The following SLC30A8 variants were observed in gnomAD, a reference collection of about 807,000 sequenced individuals.
SLC30A8 encodes the protein proton-coupled zinc antiporter SLC30A8.
Under a neutral mutation model 36.9 loss-of-function variants are expected in SLC30A8, and 27 were observed. The ratio of observed to expected loss-of-function variants is 0.73; its 90% CI spans 0.54 to 1.01. The LOEUF (loss-of-function observed/expected upper bound fraction) is 1.01, where lower values mean the gene tolerates loss of function less well. Among genes scored for constraint, SLC30A8 ranks in the 50% least tolerant of loss-of-function variants. SLC30A8 has a pLI of 0.00. For missense variants in SLC30A8, 439 were observed against 452.0 expected (o/e 0.97, Z 0.26); for synonymous variants, 164 against 172.4 (o/e 0.95, Z 0.38).
At chr8:117,113,157 C>T (rs184514359) in intron 2 of SLC30A8, among the ~76,000 whole-genome samples, 3 of 152,218 alleles carry the variant, frequency 2.0e-5, no homozygotes, top group African/African-American at 7.2e-5. Context: ...CAAACGGAAT[C>T]AGCTTTTAAC....
intron 1 of SLC30A8, among the ~76,000 whole-genome samples, chr8:116,996,536 C>T (rs1036891261): frequency 3.5e-4 from 54 of 152,162 alleles, no homozygotes; most frequent in Non-Finnish European, 2.9e-4. Flanking sequence ...CTTGTTCTCC[C>T]TAAACCCCAA....
intron 2 of SLC30A8, among the ~76,000 whole-genome samples, chr8:117,076,175 C>A (rs1249876435): frequency 2.0e-5 from 3 of 152,192 alleles, no homozygotes; most frequent in African/African-American, 4.8e-5. Context: ...TTTCTAGCTG[C>A]TGTTCAGTTT....
intron 2 of SLC30A8, among the ~76,000 whole-genome samples, chr8:117,064,482 C>G (rs1390410870): frequency 2.0e-5 from 3 of 152,172 alleles, no homozygotes; most frequent in Non-Finnish European, 4.4e-5. Flanking sequence ...ATTGAGCACA[C>G]AATTCTGCCT....
chr8:116,961,963 A>G (rs1376794110), intron 1 of SLC30A8, among the ~76,000 whole-genome samples: 1 of 151,968 alleles, frequency 6.6e-6, no homozygotes. Flanking sequence ...ATTAGGGATT[A>G]AGTTTCTAAC....
intron 6 of SLC30A8, among the ~76,000 whole-genome samples, chr8:117,166,766 A>ATTTTTTTTTTTTTTTTTTTTT (rs71305462): frequency 1.6e-5 from 2 of 128,654 alleles, no homozygotes; most frequent in African/African-American, 6.0e-5. Flanking sequence ...ACATTAGCTG[A>ATTTTTTTTTTTTTTTTTTTTT]TTTTTTTTTT....
At chr8:117,075,835 TG>T (rs1818470878) in intron 2 of SLC30A8, among the ~76,000 whole-genome samples, 1 of 152,164 alleles carries the variant, frequency 6.6e-6, no homozygotes, top group Non-Finnish European at 1.5e-5. Flanking sequence ...AGTTCCTCTA[TG>T]ATCTGGCCTC....
chr8:116,977,141 C>CTTTTTTTTTT (rs71305451), intron 1 of SLC30A8, among the ~76,000 whole-genome samples: 75 of 59,102 alleles, frequency 1.3e-3, no homozygotes, highest in East Asian at 2.4e-3. Flanking sequence ...CTTTTTCTTG[C>CTTTTTTTTTT]TTTTTTTTTT....
chr8:117,012,262 T>A (rs1457389766), intron 1 of SLC30A8, among the ~76,000 whole-genome samples: 2 of 152,212 alleles, frequency 1.3e-5, no homozygotes, highest in African/African-American at 4.8e-5. Context: ...TTCTTATTTT[T>A]AATGTGTACA....
chr8:117,160,434 T>TGTGCGC (rs1333939658), intron 4 of SLC30A8, among the ~76,000 whole-genome samples: 2 of 146,126 alleles, frequency 1.4e-5, no homozygotes, highest in East Asian at 3.9e-4. Flanking sequence ...TGTGTGTGTG[T>TGTGCGC]GCGCGCACAT....
At chr8:116,990,327 A>G (rs1182616042) in intron 1 of SLC30A8, among the ~76,000 whole-genome samples, 1 of 152,116 alleles carries the variant, frequency 6.6e-6, no homozygotes, top group East Asian at 1.9e-4. Flanking sequence ...GAAAAAAAAA[A>G]TAGCTCTACA....
At chr8:116,972,147 C>G (rs1262690517) in intron 1 of SLC30A8, among the ~76,000 whole-genome samples, 1 of 152,120 alleles carries the variant, frequency 6.6e-6, no homozygotes, top group African/African-American at 2.4e-5. Context: ...TCTTCTTCTT[C>G]CCAAGAAACA....
intron 1 of SLC30A8, among the ~76,000 whole-genome samples, chr8:116,989,423 T>G (rs7004119): frequency 0.95 from 144,524 of 152,212 alleles, 68,985 homozygotes; most frequent in Non-Finnish European, 1. Flanking sequence ...TGACCATAAG[T>G]TCACCAAATT....
At chr8:117,020,178 A>C (rs542556122) in intron 1 of SLC30A8, among the ~76,000 whole-genome samples, 1 of 152,340 alleles carries the variant, frequency 6.6e-6, no homozygotes, top group South Asian at 2.1e-4. Flanking sequence ...TCTTCAACAC[A>C]TGGAGCTTGT....
Position 117,135,239 on chromosome 8 carries a change from A to G in SLC30A8, c.-89A>G, listed in dbSNP as rs1424216036. 6.2e-6 allele frequency: 5 copies of G among 812,972 alleles called. No individual in the cohort carries two copies. The highest frequency in any genetic ancestry group is 9.5e-6 in the Non-Finnish European group (5 of 528,070). The allele number at this position is 812,972 out of a possible 1,614,324, so 50.4% of individuals were successfully genotyped here. A position where few individuals can be genotyped will look rare whatever the true frequency, so the allele number is the denominator to read the frequency against. ...TTTTAATTTTTTCTTTAGAAAGTGTATAAATAATTGCAGTGCTGCTTTGCT... is the reference window on the plus strand; with the variant it reads ...TTTTAATTTTTTCTTTAGAAAGTGTGTAAATAATTGCAGTGCTGCTTTGCT... On this transcript the variant is annotated 5_prime_UTR_variant, in exon 1 of 8. Transcript: ENST00000456015.
intron 1 of SLC30A8, among the ~76,000 whole-genome samples, chr8:117,012,984 C>A (rs1311532178): frequency 6.6e-6 from 1 of 152,006 alleles, no homozygotes; most frequent in Non-Finnish European, 1.5e-5. Flanking sequence ...AATGGGGCTA[C>A]TTTTGATGAA....
At chr8:117,145,840 G>A (rs898984779) in intron 1 of SLC30A8, among the ~76,000 whole-genome samples, 1 of 152,082 alleles carries the variant, frequency 6.6e-6, no homozygotes, top group African/African-American at 2.4e-5. Context: ...ATATGGGGTT[G>A]CAGTTAAGTG....
At chr8:116,987,452 A>T (rs1815485477) in intron 1 of SLC30A8, among the ~76,000 whole-genome samples, 2 of 152,142 alleles carry the variant, frequency 1.3e-5, no homozygotes, top group Non-Finnish European at 2.9e-5. Context: ...AAAAATGCAC[A>T]CGTAAAAATA....
intron 2 of SLC30A8, among the ~76,000 whole-genome samples, chr8:117,052,115 A>G (rs1038914857): frequency 2.0e-5 from 3 of 152,046 alleles, no homozygotes; most frequent in Non-Finnish European, 4.4e-5. Flanking sequence ...GGTTCAAGCG[A>G]TTCTCCTGCC....
intron 1 of SLC30A8, among the ~76,000 whole-genome samples, chr8:116,969,695 T>C (rs1418836942): frequency 6.6e-6 from 1 of 152,216 alleles, no homozygotes; most frequent in Non-Finnish European, 1.5e-5. Context: ...GTTACTGTAC[T>C]GAATCCTATA....
Sources: allele counts gnomAD v4.1 joint callset (sites outside exome capture counted in the v4.1 genomes callset), GRCh38; gene constraint gnomAD v4.1.1; transcripts MANE v1.5; gene names NCBI Gene and HGNC (gene_info 2026-07-23, HGNC 2026-07-21).